The following PEG3 variants were observed in gnomAD, a reference collection of about 807,000 sequenced individuals.
The protein encoded by PEG3 is paternally expressed 3.
Under a neutral mutation model 35.5 loss-of-function variants are expected in PEG3, and 23 were observed. The observed-to-expected ratio is 0.65, with a 90% CI of 0.47 to 0.92. The LOEUF is 0.92. Among genes scored for constraint, PEG3 ranks in the 40% least tolerant of loss-of-function variants. PEG3 has a pLI of 0.00. For missense variants in PEG3, 1,960 were observed against 1,985.3 expected (o/e 0.99, Z 0.24); for synonymous variants, 707 against 697.0 (o/e 1.01, Z -0.23).
intron 2 of PEG3, chr19:56,833,172 C>T (rs1471219474): frequency 1.9e-6 from 1 of 517,326 alleles, no homozygotes; most frequent in African/African-American, 1.9e-5. Context: ...CAGGCTCCCA[C>T]ATCCCATCTG....
In PEG3 at chr19:56,819,012, T is replaced by G. The variant is rs149840937; in HGVS notation, c.670-310A>C. Among the ~76,000 whole-genome samples the G allele has an allele frequency of 2.3e-3, 349 of 152,268 alleles. 3 individuals are homozygous for G. Among genetic ancestry groups the G allele is most frequent in the Non-Finnish European group, 2.3e-3 (159 of 68,006 alleles). On this transcript the variant is annotated intron_variant, in intron 7 of 9. Transcript: ENST00000326441. ...AATAAACAATAAATCGGGGTACAGA[T>G]AGTAAGTGCTAAACGGGTTTTGTAG...
Position 56,811,831 on chromosome 19 carries a change from G to A in PEG3, c.*1844C>T, listed in dbSNP as rs992150503. The A allele has an allele frequency of 5.3e-5, 52 of 985,510 alleles. No homozygotes were observed. In the African/African-American group the frequency reaches 8.5e-4, roughly 16 times the overall value. The allele number at this position is 985,510 out of a possible 1,614,324, so 61.0% of individuals were successfully genotyped here. A position where few individuals can be genotyped will look rare whatever the true frequency, so the allele number is the denominator to read the frequency against. ...GGACACCCCGCTCAATTCATTCTCA[G>A]AAACCTGGCCTTCTACAGTTCTTGC... On this transcript the variant is annotated 3_prime_UTR_variant, in exon 10 of 10. Coordinates refer to ENST00000326441, the MANE Select transcript of PEG3 (RefSeq NM_006210.3).
At chr19:56,820,664 T>C (rs2146283870) in intron 7 of PEG3, among the ~76,000 whole-genome samples, 1 of 152,318 alleles carries the variant, frequency 6.6e-6, no homozygotes, top group African/African-American at 2.4e-5. Flanking sequence ...TTCCCTTCAA[T>C]CCAAATCAAG....
In PEG3 at chr19:56,811,361, G is replaced by A; in HGVS notation, c.*2314C>T. ...GAACAGCATATAAATGAACTGTTGA[G>A]TTATAACTGTAGTATAAATATACTT... is the stretch of plus-strand genomic sequence containing the variant. On this transcript the variant is annotated 3_prime_UTR_variant, in exon 10 of 10. Transcript: ENST00000326441. 3.4e-6 allele frequency: 3 copies of A among 885,546 alleles called. No individual in the cohort carries two copies. Among genetic ancestry groups the A allele is most frequent in the Non-Finnish European group, 4.1e-6 (3 of 739,168 alleles). The allele number at this position is 885,546 out of a possible 1,614,324, so 54.9% of individuals were successfully genotyped here.
At chr19:56,833,531 C>G (rs780328491) in intron 2 of PEG3, 9 of 254,300 alleles carry the variant, frequency 3.5e-5, no homozygotes, top group Admixed American at 5.1e-5. Context: ...TCCCTTCATC[C>G]AAATTCTCAG....
rs192441293 is a variant in PEG3 at position 56,825,501 on chromosome 19, T to G, written c.-86-760A>C. ...ATTTATTTCCTTCTCTTTATTTTAT[T>G]ATCTGCCCCCTTCCATTTTTTAAAC... On this transcript the variant is annotated intron_variant, in intron 3 of 9. Coordinates refer to ENST00000326441, the MANE Select transcript of PEG3 (RefSeq NM_006210.3). Among the ~76,000 whole-genome samples, 307 of 152,388 alleles carry G rather than the reference T, an allele frequency of 2.0e-3. 2 individuals are homozygous for G. Among genetic ancestry groups the G allele is most frequent in the African/African-American group, 7.2e-3 (300 of 41,602 alleles).
chr19:56,821,659 G>C lies in PEG3; in HGVS notation c.661C>G (p.Arg221Gly), dbSNP rs376551135. The C allele has an allele frequency of 1.2e-6, 2 of 1,613,738 alleles. No homozygotes were observed. Among genetic ancestry groups the C allele is most frequent in the African/African-American group, 2.7e-5 (2 of 74,894 alleles). The part of the protein sequence containing the change: ...DDRDSRAYES[R>G]SQDAESYQNV... ...AGGAAACCTGAGCATACCTGAGATC[G>C]GGACTCATAAGCCCTGGAGTCCCTG... The change falls in exon 7 of 10, where the codon CGA becomes GGA. Residue 221 changes from arginine (R) to glycine (G), a missense_variant. Around this residue, in one of 5 missense-constraint regions of PEG3, gnomAD observed 613 missense variants for 577.1 expected, o/e 1.06. Transcript: ENST00000326441.
intron 2 of PEG3, among the ~76,000 whole-genome samples, chr19:56,830,382 A>G (rs527473278): frequency 1.3e-5 from 2 of 152,368 alleles, no homozygotes; most frequent in African/African-American, 4.8e-5. Flanking sequence ...TTTCAAGTTA[A>G]AAAACATTTG....
Position 56,816,103 on chromosome 19 carries a change from T to C in PEG3, c.2339A>G (p.His780Arg), listed in dbSNP as rs1484700953. The C allele has an allele frequency of 1.2e-6, 2 of 1,611,242 alleles. No individual in the cohort carries two copies. Among genetic ancestry groups the C allele is most frequent in the Admixed American group, 3.3e-5 (2 of 59,788 alleles). Residue 780 changes from histidine (H) to arginine (R), a missense_variant, in exon 10 of 10, where the codon CAT becomes CGT. By Grantham distance (29) the His-to-Arg change is conservative (BLOSUM62 0). Coordinates refer to ENST00000326441, the MANE Select transcript of PEG3 (RefSeq NM_006210.3). Reference sequence around the variant, plus strand: ...CTGAGCTTCCACAGAGGCTAAGCTATGAATAACAGACCTCTCATATGATTT... The same window carrying C: ...CTGAGCTTCCACAGAGGCTAAGCTACGAATAACAGACCTCTCATATGATTT... ...EAKSYERSVI[H>R]SLASVEAQKS...
chr19:56,818,805 G>A (rs2060214782), intron 7 of PEG3, 103 bp from the exon 8 acceptor site: 3 of 1,333,902 alleles, frequency 2.2e-6, no homozygotes, highest in South Asian at 2.5e-5. Flanking sequence ...AAGTTATATA[G>A]GAAGTGCTCA....
rs746531138 is a variant in PEG3, at chr19:56,817,301, G to A, written c.1141C>T (p.Leu381Phe). Reference protein sequence around the residue: ...FRGGFRFNSTLVSRKRVLERK... With the variant: ...FRGGFRFNSTFVSRKRVLERK... ...TCAAGAACTCTCTTTCTGGAAACAA[G>A]GGTTGAATTAAACCTAAAGCCTCCC... The change falls in exon 10 of 10, where the codon CTT becomes TTT. Residue 381 changes from leucine to phenylalanine, a missense_variant. Physicochemically the swap from Leu to Phe is conservative, Grantham distance 22. Around this residue, in one of 5 missense-constraint regions of PEG3, gnomAD observed 613 missense variants for 577.1 expected, o/e 1.06. Coordinates refer to ENST00000326441, the MANE Select transcript of PEG3 (RefSeq NM_006210.3). 4 of 1,614,104 alleles carry A rather than the reference G, an allele frequency of 2.5e-6. No individual in the cohort carries two copies. Among genetic ancestry groups the A allele is most frequent in the Middle Eastern group, 1.6e-4 (1 of 6,062 alleles).
intron 1 of PEG3, among the ~76,000 whole-genome samples, chr19:56,840,100 T>C (rs1188614616): frequency 1.3e-5 from 2 of 152,194 alleles, no homozygotes; most frequent in African/African-American, 4.8e-5. Context: ...AGGGGCATTT[T>C]CGCAGCCCCC....
intron 7 of PEG3, 96 bp from the exon 8 acceptor site, chr19:56,818,798 T>C: frequency 7.1e-7 from 1 of 1,404,314 alleles, no homozygotes; most frequent in Non-Finnish European, 1.0e-6. Context: ...ATATATGAAG[T>C]TATATAGGAA....
rs1233808150 is a variant in PEG3 at position 56,810,303 on chromosome 19, T to C, written c.*3372A>G. ...ACATTTCATATATAATGGAAATATATGTAGTAAAGGTGGACTACCAAAACA... is the reference window on the plus strand; with the variant it reads ...ACATTTCATATATAATGGAAATATACGTAGTAAAGGTGGACTACCAAAACA... On this transcript the variant is annotated 3_prime_UTR_variant, in exon 10 of 10. Coordinates refer to ENST00000326441, the MANE Select transcript of PEG3 (RefSeq NM_006210.3). 1.2e-5 allele frequency: 12 copies of C among 982,580 alleles called. No homozygotes were observed. Among genetic ancestry groups the C allele is most frequent in the African/African-American group, 1.7e-5 (1 of 57,160 alleles). 60.9% of individuals were successfully genotyped at this position (982,580 alleles called of 1,614,324 possible).
chr19:56,813,181 T>G lies in PEG3; in HGVS notation c.*494A>C, dbSNP rs569741431. ...AAGACACTTAAAAATATAATCAAAT[T>G]TGTTGCTCTCTTCCTCCTCCAAAAA... On this transcript the variant is annotated 3_prime_UTR_variant, in exon 10 of 10. Coordinates refer to ENST00000326441, the MANE Select transcript of PEG3 (RefSeq NM_006210.3). 4.1e-4 allele frequency: 404 copies of G among 977,986 alleles called. 4 individuals carry two copies. The South Asian group carries it at 0.017, about 42-fold the overall frequency. The allele number at this position is 977,986 out of a possible 1,614,324, so 60.6% of individuals were successfully genotyped here.
chr19:56,818,839 C>T, intron 7 of PEG3, 137 bp from the exon 8 acceptor site: 1 of 988,612 alleles, frequency 1.0e-6, no homozygotes, highest in South Asian at 1.6e-5. Context: ...CTGAGTGATC[C>T]AAGTCAAGTG....
At position 56,810,187 on chromosome 19, in the gene PEG3, TATC is replaced by T. The variant is rs1353431041; in HGVS notation, c.*3485_*3487del. On this transcript the variant is annotated 3_prime_UTR_variant, in exon 10 of 10. Coordinates refer to ENST00000326441, the MANE Select transcript of PEG3 (RefSeq NM_006210.3). ...GCACAGAAACAAGATGAAGAAAATATATCAAGATGTTAACCACACTCTTTGGAT... is the reference window on the plus strand; with the variant it reads ...GCACAGAAACAAGATGAAGAAAATATAAGATGTTAACCACACTCTTTGGAT... 1 of 980,012 alleles carries T rather than the reference TATC, an allele frequency of 1.0e-6. No individual in the cohort carries two copies. Among genetic ancestry groups the T allele is most frequent in the Non-Finnish European group, 1.2e-6 (1 of 825,212 alleles). 60.7% of individuals were successfully genotyped at this position (980,012 alleles called of 1,614,324 possible).
chr19:56,839,178 C>T (rs1482378878), intron 1 of PEG3, among the ~76,000 whole-genome samples: 3 of 151,976 alleles, frequency 2.0e-5, no homozygotes, highest in Admixed American at 6.5e-5. Context: ...GGTCCAATGC[C>T]ACCCTGTCAC....
At chr19:56,830,848 C>T (rs1010531081) in intron 2 of PEG3, among the ~76,000 whole-genome samples, 2 of 151,820 alleles carry the variant, frequency 1.3e-5, no homozygotes, top group Non-Finnish European at 2.9e-5. Flanking sequence ...TGCAGGGGGG[C>T]CCTGGGAGGT....
Sources: allele counts gnomAD v4.1 joint callset (sites outside exome capture counted in the v4.1 genomes callset), GRCh38; gene constraint gnomAD v4.1.1; regional missense constraint gnomAD v4.1.1; transcripts MANE v1.5; gene names NCBI Gene and HGNC (gene_info 2026-07-23, HGNC 2026-07-21).